Variants in TBC1D22A observed in about 807,000 individuals in gnomAD.
TBC1D22A encodes TBC1 domain family member 22A.
TBC1D22A carries 38 observed loss-of-function variants against 60.2 expected under a neutral mutation model. The ratio of observed to expected loss-of-function variants is 0.63; its 90% CI spans 0.49 to 0.83. TBC1D22A has a LOEUF of 0.83. Ranked by LOEUF, TBC1D22A falls within the 40% of genes least tolerant of loss-of-function variation. TBC1D22A has a pLI of 0.00. For synonymous variants in TBC1D22A, 302 were observed against 281.7 expected (o/e 1.07, Z -0.72); for missense variants, 628 against 701.0 (o/e 0.90, Z 1.18).
At chr22:46,878,437 G>A (rs2067680814) in intron 4 of TBC1D22A, among the ~76,000 whole-genome samples, 1 of 150,474 alleles carries the variant, frequency 6.6e-6, no homozygotes. Context: ...GGATTCTGTT[G>A]TAAACAGGTA....
chr22:47,166,135 C>T (rs2068200900), intron 12 of TBC1D22A, among the ~76,000 whole-genome samples: 3 of 152,250 alleles, frequency 2.0e-5, no homozygotes, highest in East Asian at 3.9e-4. Context: ...CAGGTGTTGA[C>T]GAGTTTTGCC....
rs1043823454 is a variant in TBC1D22A, at chr22:47,015,654, C to T, written c.1201+17945C>T. ...GTGCGGTGTCCATGCGGGCTGCTCC[C>T]GGACAGCAGCAGCCAGGAAGCCAGG... On this transcript the variant is annotated intron_variant, in intron 10 of 12. Coordinates refer to ENST00000337137, the MANE Select transcript of TBC1D22A (RefSeq NM_014346.5). 3.3e-5 allele frequency among the ~76,000 whole-genome samples: 5 copies of T among 152,174 alleles called. No individual in the cohort carries two copies. The South Asian group carries it at 6.2e-4, about 19-fold the overall frequency.
intron 12 of TBC1D22A, among the ~76,000 whole-genome samples, chr22:47,141,219 A>G (rs1008857806): frequency 1.3e-5 from 2 of 152,138 alleles, no homozygotes; most frequent in Non-Finnish European, 1.5e-5. Flanking sequence ...ACCCACCTCC[A>G]TGATTCAGTG....
chr22:46,829,007 C>G (rs1056738465), intron 4 of TBC1D22A, among the ~76,000 whole-genome samples: 1 of 152,196 alleles, frequency 6.6e-6, no homozygotes, highest in African/African-American at 2.4e-5. Context: ...GTCACACACT[C>G]TCCAATGTCA....
rs543262156 is a variant in TBC1D22A, at chr22:47,031,679, C to A, written c.1202-5392C>A. ...CAATCCTCAGGCCCATCTTGGCTCGCCTGCCTCCTTGTGTGCACCTTTGGA... is the reference window on the plus strand; with the variant it reads ...CAATCCTCAGGCCCATCTTGGCTCGACTGCCTCCTTGTGTGCACCTTTGGA... On this transcript the variant is annotated intron_variant, in intron 10 of 12. Transcript: ENST00000337137. 9.6e-4 allele frequency among the ~76,000 whole-genome samples: 146 copies of A among 152,178 alleles called. 1 individual carries two copies. The highest frequency in any genetic ancestry group is 7.1e-4 in the Non-Finnish European group (48 of 68,030).
intron 4 of TBC1D22A, among the ~76,000 whole-genome samples, chr22:46,856,807 T>G (rs1202289157): frequency 3.3e-5 from 5 of 152,270 alleles, no homozygotes; most frequent in South Asian, 2.1e-4. Flanking sequence ...ATTAGACATT[T>G]AGATCTTTTT....
chr22:46,801,649 C>T (rs796183934), intron 4 of TBC1D22A, among the ~76,000 whole-genome samples: 16 of 152,338 alleles, frequency 1.1e-4, no homozygotes, highest in African/African-American at 3.8e-4. Flanking sequence ...TCCTGAGGAC[C>T]GTCTAGGGCC....
intron 12 of TBC1D22A, among the ~76,000 whole-genome samples, chr22:47,169,501 C>T (rs374456969): frequency 1.7e-4 from 26 of 152,254 alleles, no homozygotes; most frequent in East Asian, 5.8e-4. Context: ...GCCTGAGAAC[C>T]GTCAACCTCC....
At chr22:47,151,509 A>G (rs1266212982) in intron 12 of TBC1D22A, among the ~76,000 whole-genome samples, 3 of 152,198 alleles carry the variant, frequency 2.0e-5, no homozygotes, top group African/African-American at 7.2e-5. Flanking sequence ...ATATTGCTAC[A>G]TGTTTAAAGG....
At chr22:47,142,281 A>G (rs1180084144) in intron 12 of TBC1D22A, among the ~76,000 whole-genome samples, 1 of 40,246 alleles carries the variant, frequency 2.5e-5, no homozygotes, top group Non-Finnish European at 4.7e-5. Flanking sequence ...CATCCACCCC[A>G]TCCACCCACC....
At chr22:46,944,723 A>G (rs1024482402) in intron 8 of TBC1D22A, among the ~76,000 whole-genome samples, 1 of 152,148 alleles carries the variant, frequency 6.6e-6, no homozygotes, top group Admixed American at 6.5e-5. Flanking sequence ...AAAAAATAAA[A>G]CTTTTCATTC....
At chr22:47,115,391 C>A (rs961086658) in intron 12 of TBC1D22A, among the ~76,000 whole-genome samples, 8 of 105,026 alleles carry the variant, frequency 7.6e-5, no homozygotes, top group Non-Finnish European at 1.2e-4. Context: ...TCCAGTGGGG[C>A]CTCTCCGCTG....
chr22:47,099,450 G>GTT (rs534970567), intron 11 of TBC1D22A, among the ~76,000 whole-genome samples: 1 of 145,040 alleles, frequency 6.9e-6, no homozygotes, highest in Admixed American at 6.9e-5. Context: ...TTCTTTTGTT[G>GTT]TTTTTTTTTT....
At chr22:46,968,425 G>A (rs909997593) in intron 8 of TBC1D22A, among the ~76,000 whole-genome samples, 22 of 152,192 alleles carry the variant, frequency 1.4e-4, no homozygotes, top group Non-Finnish European at 7.3e-5. Context: ...GGACGTGTGC[G>A]CCCCCACGCA....
At chr22:47,061,145 G>C (rs992420233) in intron 11 of TBC1D22A, among the ~76,000 whole-genome samples, 2 of 149,024 alleles carry the variant, frequency 1.3e-5, no homozygotes, top group Admixed American at 1.3e-4. Context: ...GAGCCACGCT[G>C]TCTTCCTCGG....
rs1037811496 is a variant in TBC1D22A at position 46,992,226 on chromosome 22, C to T, written c.1126-5408C>T. 1.1e-4 allele frequency among the ~76,000 whole-genome samples: 16 copies of T among 152,348 alleles called. 1 individual carries two copies. In the South Asian group the frequency reaches 3.1e-3, roughly 30 times the overall value. ...ATCAAGGGGTAAAGTCCAGAGGAAGCGGTATAAGCTTCCAAGCCCCCTCCT... is the reference window on the plus strand; with the variant it reads ...ATCAAGGGGTAAAGTCCAGAGGAAGTGGTATAAGCTTCCAAGCCCCCTCCT... On this transcript the variant is annotated intron_variant, in intron 9 of 12. Coordinates refer to ENST00000337137, the MANE Select transcript of TBC1D22A (RefSeq NM_014346.5).
intron 6 of TBC1D22A, among the ~76,000 whole-genome samples, chr22:46,893,821 G>T (rs1250454156): frequency 6.6e-6 from 1 of 152,180 alleles, no homozygotes; most frequent in African/African-American, 2.4e-5. Flanking sequence ...CCTTTGGCAC[G>T]CATCACAGAT....
intron 8 of TBC1D22A, among the ~76,000 whole-genome samples, chr22:46,927,865 A>G (rs1033199569): frequency 7.9e-5 from 12 of 152,242 alleles, no homozygotes; most frequent in Non-Finnish European, 1.8e-4. Flanking sequence ...TAAATTTAGC[A>G]AGAGAGGTGC....
intron 1 of TBC1D22A, among the ~76,000 whole-genome samples, chr22:46,768,839 A>G (rs2083386215): frequency 6.6e-6 from 1 of 152,218 alleles, no homozygotes; most frequent in South Asian, 2.1e-4. Context: ...CATGCCTGTC[A>G]TCTCAGCACT....
Sources: gnomAD v4.1 joint callset for allele counts (sites outside exome capture counted in the v4.1 genomes callset) on GRCh38, gnomAD v4.1.1 for gene constraint, MANE v1.5 for transcripts, NCBI Gene and HGNC (gene_info 2026-07-23, HGNC 2026-07-21) for gene names.